The following NEGR1 variants were observed in gnomAD, a reference collection of about 807,000 sequenced individuals.
NEGR1 encodes neuronal growth regulator 1, also known as IgLON family member 4.
A neutral mutation model predicts 40.9 loss-of-function variants in NEGR1; 10 were observed. The ratio of observed to expected loss-of-function variants is 0.24; its 90% CI spans 0.15 to 0.42. NEGR1 has a LOEUF of 0.42. Ranked by LOEUF, NEGR1 falls within the 10% of genes least tolerant of loss-of-function variation. The pLI is 1.00. For synonymous variants in NEGR1, 185 were observed against 166.8 expected (o/e 1.11, Z -0.84); for missense variants, 352 against 438.9 (o/e 0.80, Z 1.77).
intron 1 of NEGR1, among the ~76,000 whole-genome samples, chr1:71,982,673 C>T (rs1423827251): frequency 6.6e-6 from 1 of 152,052 alleles, no homozygotes; most frequent in Non-Finnish European, 1.5e-5. Context: ...TGTTTGCATA[C>T]ATGTAAAACT....
chr1:71,978,238 A>G (rs1646323788), intron 1 of NEGR1, among the ~76,000 whole-genome samples: 1 of 152,164 alleles, frequency 6.6e-6, no homozygotes, highest in African/African-American at 2.4e-5. Context: ...AACAACTATC[A>G]TCTTGTTTAA....
At chr1:72,256,102 C>G (rs902175760) in intron 1 of NEGR1, among the ~76,000 whole-genome samples, 1 of 152,160 alleles carries the variant, frequency 6.6e-6, no homozygotes, top group Non-Finnish European at 1.5e-5. Flanking sequence ...GAACAATACA[C>G]AGCATCTGTT....
At chr1:71,699,049 A>T (rs1467943749) in intron 3 of NEGR1, among the ~76,000 whole-genome samples, 2 of 151,934 alleles carry the variant, frequency 1.3e-5, no homozygotes, top group Non-Finnish European at 2.9e-5. Context: ...AGGCCTTGAA[A>T]AAAATCACAT....
At chr1:71,857,457 CA>C (rs34177437) in intron 2 of NEGR1, among the ~76,000 whole-genome samples, 10,269 of 77,674 alleles carry the variant, frequency 0.13, 376 homozygotes, top group Admixed American at 0.17. Context: ...ACAAAAAATA[CA>C]AAAAAAAAAA....
At chr1:71,930,151 TA>T (rs1453730281) in intron 2 of NEGR1, among the ~76,000 whole-genome samples, 5 of 151,706 alleles carry the variant, frequency 3.3e-5, no homozygotes, top group African/African-American at 1.2e-4. Flanking sequence ...AATTTATTTT[TA>T]AATTTTTTTT....
At chr1:71,683,981 A>C (rs1486934844) in intron 4 of NEGR1, among the ~76,000 whole-genome samples, 2 of 152,156 alleles carry the variant, frequency 1.3e-5, no homozygotes, top group East Asian at 3.9e-4. Flanking sequence ...ACAAGATTTA[A>C]AATGCGGGGC....
Position 71,718,387 on chromosome 1 carries a change from T to C in NEGR1, c.536-20248A>G, listed in dbSNP as rs115483449. On this transcript the variant is annotated intron_variant, in intron 3 of 6. Coordinates refer to ENST00000357731, the MANE Select transcript of NEGR1 (RefSeq NM_173808.3). ...GTTCCCCCTTTGCCTTCTGCCATGA[T>C]TGAAAGTTCCTTGAGCCTTCACCAG... Among the ~76,000 whole-genome samples, 397 of 152,296 alleles carry C rather than the reference T, an allele frequency of 2.6e-3. 1 individual carries two copies. Among genetic ancestry groups the C allele is most frequent in the African/African-American group, 9.0e-3 (374 of 41,568 alleles).
intron 1 of NEGR1, among the ~76,000 whole-genome samples, chr1:72,059,717 C>T (rs1647148770): frequency 6.6e-6 from 1 of 151,600 alleles, no homozygotes; most frequent in African/African-American, 2.4e-5. Context: ...GCATAATTCT[C>T]AGCTTTAGTC....
At position 71,542,916 on chromosome 1, in the gene NEGR1, T is replaced by C. The variant is rs1313501080; in HGVS notation, c.940+49901A>G. 2.6e-5 allele frequency among the ~76,000 whole-genome samples: 4 copies of C among 151,848 alleles called. No individual in the cohort carries two copies. In the East Asian group the frequency reaches 7.8e-4, roughly 30 times the overall value. On this transcript the variant is annotated intron_variant, in intron 6 of 6. Transcript: ENST00000357731. Reference sequence around the variant, plus strand: ...AAAAATTGCCACTCTCAGACTGACCTGAACAAGTACAACTGTGTGTACGTA... The same window carrying C: ...AAAAATTGCCACTCTCAGACTGACCCGAACAAGTACAACTGTGTGTACGTA...
intron 1 of NEGR1, among the ~76,000 whole-genome samples, chr1:72,038,572 G>C (rs1646925139): frequency 6.6e-6 from 1 of 151,836 alleles, no homozygotes; most frequent in Non-Finnish European, 1.5e-5. Flanking sequence ...AATGATTTCT[G>C]TTCTAAAAAC....
chr1:71,943,249 C>A (rs1297222385), intron 1 of NEGR1, among the ~76,000 whole-genome samples: 1 of 145,292 alleles, frequency 6.9e-6, no homozygotes, highest in Non-Finnish European at 1.5e-5. Flanking sequence ...CATACACACA[C>A]ATACATACAC....
At chr1:71,766,992 T>C (rs1015394423) in intron 3 of NEGR1, among the ~76,000 whole-genome samples, 2 of 152,218 alleles carry the variant, frequency 1.3e-5, no homozygotes, top group African/African-American at 4.8e-5. Context: ...ACGCTTCCTG[T>C]ACAGCCTGCA....
rs1036482436 is a variant in NEGR1 at position 72,026,019 on chromosome 1, G to A, written c.177-90708C>T. Among the ~76,000 whole-genome samples the A allele has an allele frequency of 2.5e-4, 36 of 145,812 alleles. No individual in the cohort carries two copies. In the East Asian group the frequency reaches 6.0e-3, roughly 24 times the overall value. Reference sequence around the variant, plus strand: ...CCAGCTACTTGGGAGGCTGAGGCAGGAGAATGGCGTGAACCCGGGAGGCGG... The same window carrying A: ...CCAGCTACTTGGGAGGCTGAGGCAGAAGAATGGCGTGAACCCGGGAGGCGG... On this transcript the variant is annotated intron_variant, in intron 1 of 6. Coordinates refer to ENST00000357731, the MANE Select transcript of NEGR1 (RefSeq NM_173808.3).
At chr1:71,831,512 C>G (rs1658838891) in intron 2 of NEGR1, among the ~76,000 whole-genome samples, 1 of 151,876 alleles carries the variant, frequency 6.6e-6, no homozygotes, top group South Asian at 2.1e-4. Flanking sequence ...CATGGAGAAC[C>G]TACTGTGAGT....
chr1:71,630,627 T>G (rs1033701759), intron 4 of NEGR1, among the ~76,000 whole-genome samples: 10 of 151,730 alleles, frequency 6.6e-5, no homozygotes, highest in African/African-American at 2.4e-4. Context: ...TCAAATAATT[T>G]TTTATGTGGG....
chr1:71,671,747 C>T (rs542080093), intron 4 of NEGR1, among the ~76,000 whole-genome samples: 1 of 152,130 alleles, frequency 6.6e-6, no homozygotes. Flanking sequence ...TCTTTGACTG[C>T]AACTGTACTT....
chr1:72,235,719 G>A (rs74088202), intron 1 of NEGR1, among the ~76,000 whole-genome samples: 6,022 of 151,956 alleles, frequency 0.04, 416 homozygotes, highest in African/African-American at 0.14. Flanking sequence ...TAATTTTATT[G>A]TTAATAGGAA....
intron 2 of NEGR1, among the ~76,000 whole-genome samples, chr1:71,915,434 A>G (rs116135128): frequency 0.016 from 2,373 of 152,280 alleles, 45 homozygotes; most frequent in South Asian, 0.1. Flanking sequence ...AAAACAAATA[A>G]CTGACCTTTT....
intron 2 of NEGR1, among the ~76,000 whole-genome samples, chr1:71,800,653 T>G (rs1657521155): frequency 6.6e-6 from 1 of 152,166 alleles, no homozygotes; most frequent in Non-Finnish European, 1.5e-5. Flanking sequence ...CTCTGTGTGC[T>G]TATGCTTTGC....
Sources: allele counts gnomAD v4.1 joint callset (sites outside exome capture counted in the v4.1 genomes callset), GRCh38; gene constraint gnomAD v4.1.1; transcripts MANE v1.5; gene names NCBI Gene and HGNC (gene_info 2026-07-23, HGNC 2026-07-21).